The following ADGRL4 variants were observed in gnomAD, a reference collection of about 807,000 sequenced individuals.
The protein encoded by ADGRL4 is adhesion G protein-coupled receptor L4, also known as EGF, latrophilin and seven transmembrane domain containing 1.
Under a neutral mutation model 74.8 loss-of-function variants are expected in ADGRL4, and 90 were observed. The ratio of observed to expected loss-of-function variants is 1.20; its 90% CI spans 1.02 to 1.43. The LOEUF (loss-of-function observed/expected upper bound fraction) is 1.43. Among genes scored for constraint, ADGRL4 ranks in the 40% most tolerant of loss-of-function variants. The pLI, the probability that ADGRL4 is intolerant of heterozygous loss-of-function variation, is 0.00. For missense variants in ADGRL4, 881 were observed against 814.3 expected (o/e 1.08, Z -1.00); for synonymous variants, 311 against 279.2 (o/e 1.11, Z -1.14).
chr1:79,005,309 CCT>C (rs1650936379), intron 1 of ADGRL4, 90 bp from the exon 2 acceptor site: 11 of 1,020,186 alleles, frequency 1.1e-5, no homozygotes, highest in African/African-American at 1.7e-5. Context: ...CATAAATTAT[CCT>C]CTCTTTCTAT....
At chr1:78,962,261 T>C (rs567918974) in intron 2 of ADGRL4, among the ~76,000 whole-genome samples, 7 of 152,272 alleles carry the variant, frequency 4.6e-5, no homozygotes, top group Admixed American at 2.6e-4. Flanking sequence ...TCCTTAGTGA[T>C]CACATACATT....
At chr1:78,972,108 A>G (rs530934409) in intron 2 of ADGRL4, among the ~76,000 whole-genome samples, 27 of 152,318 alleles carry the variant, frequency 1.8e-4, no homozygotes, top group African/African-American at 6.0e-4. Flanking sequence ...GCACATGTAG[A>G]TGCCATACAA....
Position 78,891,050 on chromosome 1 carries a change from TA to T in ADGRL4, c.*103del. On this transcript the variant is annotated 3_prime_UTR_variant, in exon 15 of 15. Coordinates refer to ENST00000370742, the MANE Select transcript of ADGRL4 (RefSeq NM_022159.4). ...CTGATTTAAAATACTTTTTGTCTAG[TA>T]GTTAATAATTGGATAATTTGATGAG... 1 of 1,122,998 alleles carries T rather than the reference TA, an allele frequency of 8.9e-7. No individual in the cohort carries two copies. Among genetic ancestry groups the T allele is most frequent in the African/African-American group, 1.5e-5 (1 of 65,464 alleles). The allele number at this position is 1,122,998 out of a possible 1,614,324, so 69.6% of individuals were successfully genotyped here.
At chr1:78,966,031 C>T in intron 2 of ADGRL4, among the ~76,000 whole-genome samples, 1 of 150,998 alleles carries the variant, frequency 6.6e-6, no homozygotes. Flanking sequence ...AAAACCAAAG[C>T]TGTTTGAAAT....
intron 12 of ADGRL4, among the ~76,000 whole-genome samples, chr1:78,901,055 T>C (rs1570212225): frequency 6.6e-6 from 1 of 152,234 alleles, no homozygotes; most frequent in South Asian, 2.1e-4. Flanking sequence ...TCTTTATAGG[T>C]CCTTCACATA....
At chr1:78,904,431 C>A (rs1648588374) in intron 12 of ADGRL4, among the ~76,000 whole-genome samples, 1 of 151,888 alleles carries the variant, frequency 6.6e-6, no homozygotes, top group Non-Finnish European at 1.5e-5. Context: ...GTTATTTCAT[C>A]TTTCATTCTT....
At chr1:78,996,377 T>G (rs574228219) in intron 2 of ADGRL4, among the ~76,000 whole-genome samples, 2 of 152,258 alleles carry the variant, frequency 1.3e-5, no homozygotes, top group East Asian at 3.9e-4. Flanking sequence ...ACATAAAGAT[T>G]ATAAAAAACT....
chr1:78,934,228 G>A, intron 7 of ADGRL4, among the ~76,000 whole-genome samples: 1 of 151,424 alleles, frequency 6.6e-6, no homozygotes, highest in East Asian at 1.9e-4. Flanking sequence ...AAAAAGAACA[G>A]AGACCTCAGA....
At chr1:78,914,269 C>CTGGAGTATGTGG (rs1295073019) in intron 12 of ADGRL4, among the ~76,000 whole-genome samples, 1 of 151,876 alleles carries the variant, frequency 6.6e-6, no homozygotes, top group Admixed American at 6.6e-5. Flanking sequence ...CACATCTTAC[C>CTGGAGTATGTGG]AGTATGACTT....
intron 12 of ADGRL4, among the ~76,000 whole-genome samples, chr1:78,895,354 T>C (rs1187527817): frequency 6.6e-6 from 1 of 152,038 alleles, no homozygotes; most frequent in Non-Finnish European, 1.5e-5. Context: ...AGGTACCTAC[T>C]GATGATTAAA....
Position 78,921,776 on chromosome 1 carries a change from C to A in ADGRL4, c.1094G>T (p.Arg365Met), listed in dbSNP as rs1430970832. The A allele has an allele frequency of 4.0e-6, 6 of 1,496,864 alleles. No homozygotes were observed. Among genetic ancestry groups the A allele is most frequent in the Non-Finnish European group, 5.3e-6 (6 of 1,121,522 alleles). The allele number at this position is 1,496,864 out of a possible 1,614,324, so 92.7% of individuals were successfully genotyped here. ...CCAAAATGCACATAGACTCCTATAC[C>A]TATCTGTGACCTGAAAAAAAGATAC... ...FTLSHRKVTD[R>M]YRSLCAFWNY... Residue 365 changes from arginine (R) to methionine (M), a missense_variant, in exon 9 of 15, where the codon AGG becomes ATG. Physicochemically the swap from Arg to Met is moderately conservative, Grantham distance 91. Coordinates refer to ENST00000370742, the MANE Select transcript of ADGRL4 (RefSeq NM_022159.4).
intron 13 of ADGRL4, among the ~76,000 whole-genome samples, chr1:78,892,357 C>T (rs139660101): frequency 0.017 from 2,526 of 152,198 alleles, 41 homozygotes; most frequent in Non-Finnish European, 0.021. Context: ...TTTGGTAAAA[C>T]AATATTCTAC....
chr1:78,961,694 C>T (rs1337276985), intron 2 of ADGRL4, among the ~76,000 whole-genome samples: 1 of 151,990 alleles, frequency 6.6e-6, no homozygotes, highest in Non-Finnish European at 1.5e-5. Flanking sequence ...TCACATGTAG[C>T]CCTGATGTTC....
intron 2 of ADGRL4, among the ~76,000 whole-genome samples, chr1:78,972,701 A>G (rs778605374): frequency 9.9e-5 from 15 of 152,174 alleles, no homozygotes; most frequent in Non-Finnish European, 2.2e-4. Context: ...CTCAAATTCT[A>G]TTCAATTTTC....
chr1:78,941,514 A>G (rs552929243), intron 3 of ADGRL4, among the ~76,000 whole-genome samples: 6 of 152,302 alleles, frequency 3.9e-5, no homozygotes, highest in African/African-American at 1.2e-4. Context: ...GATGCCTTCT[A>G]TAGGTAACAG....
intron 2 of ADGRL4, among the ~76,000 whole-genome samples, chr1:78,978,806 G>C (rs1017356149): frequency 2.6e-5 from 4 of 151,894 alleles, no homozygotes; most frequent in Non-Finnish European, 4.4e-5. Flanking sequence ...AGTTTACAGA[G>C]GTGCAAAGTT....
rs1359171177 is a variant in ADGRL4, at chr1:78,893,170, C to G, written c.1769G>C (p.Gly590Ala). The change falls in exon 13 of 15, where the codon GGA becomes GCA. Residue 590 changes from glycine (G) to alanine (A), a missense_variant. Physicochemically the swap from Gly to Ala is moderately conservative, Grantham distance 60. Coordinates refer to ENST00000370742, the MANE Select transcript of ADGRL4 (RefSeq NM_022159.4). ...LIILVNLLAF[G>A]VIIYKVFRHT... ...ACGAAAAACTTTGTATATGATGACT[C>G]CAAAAGCCAAGAGATTAACCTGGAA... The G allele has an allele frequency of 6.3e-7, 1 of 1,598,386 alleles. No homozygotes were observed. Among genetic ancestry groups the G allele is most frequent in the Non-Finnish European group, 8.5e-7 (1 of 1,173,238 alleles).
At chr1:78,971,473 A>G (rs1236182206) in intron 2 of ADGRL4, among the ~76,000 whole-genome samples, 1 of 152,100 alleles carries the variant, frequency 6.6e-6, no homozygotes, top group Non-Finnish European at 1.5e-5. Flanking sequence ...GCAGGGGGGA[A>G]AAGCCTGGCC....
At chr1:78,965,658 A>G (rs148932337) in intron 2 of ADGRL4, among the ~76,000 whole-genome samples, 2 of 152,326 alleles carry the variant, frequency 1.3e-5, no homozygotes, top group East Asian at 3.9e-4. Context: ...AATCTTTTAT[A>G]AAAAGAATTC....
Sources: gnomAD v4.1 joint callset for allele counts (sites outside exome capture counted in the v4.1 genomes callset) on GRCh38, gnomAD v4.1.1 for gene constraint, MANE v1.5 for transcripts, NCBI Gene and HGNC (gene_info 2026-07-23, HGNC 2026-07-21) for gene names.